Variants in CTSH observed in about 807,000 individuals in gnomAD.
The protein encoded by CTSH is pro-cathepsin H.
In CTSH, 52 loss-of-function variants were observed where a neutral mutation model predicts 56.3. The observed-to-expected ratio is 0.92, with a 90% CI of 0.74 to 1.16. The LOEUF (loss-of-function observed/expected upper bound fraction) is 1.16, where lower values mean the gene tolerates loss of function less well. Ranked by LOEUF, CTSH falls within the 50% of genes most tolerant of loss-of-function variation. The pLI is 0.00. For synonymous variants in CTSH, 174 were observed against 155.7 expected (o/e 1.12, Z -0.88); for missense variants, 406 against 424.5 (o/e 0.96, Z 0.38).
intron 11 of CTSH, among the ~76,000 whole-genome samples, chr15:78,922,473 C>T (rs2054793048): frequency 6.6e-6 from 1 of 152,200 alleles, no homozygotes; most frequent in Non-Finnish European, 1.5e-5. Context: ...TTAGCCCTGG[C>T]CGGGCCCTCA....
chr15:78,933,059 CT>C (rs1180234352), intron 5 of CTSH, among the ~76,000 whole-genome samples: 1 of 152,236 alleles, frequency 6.6e-6, no homozygotes, highest in Non-Finnish European at 1.5e-5. Context: ...CCAGACACCC[CT>C]GACACCCCAG....
At chr15:78,942,370 GC>G (rs1444278826) in intron 1 of CTSH, among the ~76,000 whole-genome samples, 1 of 151,952 alleles carries the variant, frequency 6.6e-6, no homozygotes, top group Admixed American at 6.6e-5. Flanking sequence ...CCACCACCAC[GC>G]CCGGCTAATT....
intron 6 of CTSH, 21 bp from the exon 7 acceptor site, chr15:78,931,527 A>G: frequency 6.2e-7 from 1 of 1,614,226 alleles, no homozygotes; most frequent in Non-Finnish European, 8.5e-7. Flanking sequence ...GACACAACCC[A>G]GTGACCTGCC....
At chr15:78,936,581 C>T (rs747605209) in intron 3 of CTSH, among the ~76,000 whole-genome samples, 15 of 152,080 alleles carry the variant, frequency 9.9e-5, no homozygotes, top group Non-Finnish European at 2.2e-4. Context: ...ATTTAGTCAA[C>T]TACCAATATT....
At chr15:78,927,855 C>T in intron 8 of CTSH, 74 bp from the exon 9 acceptor site, 1 of 1,246,178 alleles carries the variant, frequency 8.0e-7, no homozygotes, top group Non-Finnish European at 1.2e-6. Flanking sequence ...AGTTCAATAA[C>T]ATTTACTAAA....
chr15:78,938,000 T>C (rs1458657480), intron 2 of CTSH, among the ~76,000 whole-genome samples: 1 of 152,242 alleles, frequency 6.6e-6, no homozygotes, highest in Non-Finnish European at 1.5e-5. Flanking sequence ...CTACTAGCTA[T>C]TTGGAAATAC....
At chr15:78,925,718 T>G in intron 9 of CTSH, 5 of 352,804 alleles carry the variant, frequency 1.4e-5, no homozygotes, top group Non-Finnish European at 2.8e-5. Flanking sequence ...TTCACATCCA[T>G]TCCCTGAGGT....
intron 1 of CTSH, among the ~76,000 whole-genome samples, chr15:78,941,422 TA>T (rs35226827): frequency 0.31 from 14,685 of 47,682 alleles, 1,243 homozygotes; most frequent in Middle Eastern, 0.44. Context: ...AGACTCTGTC[TA>T]AAAAAAAAAA....
intron 11 of CTSH, 90 bp from the exon 12 acceptor site, chr15:78,922,295 C>A: frequency 2.0e-6 from 2 of 1,016,066 alleles, no homozygotes; most frequent in Non-Finnish European, 3.0e-6. Flanking sequence ...GAGCTGACTT[C>A]AGGGGTGAGA....
chr15:78,944,833 C>T lies in CTSH; in HGVS notation c.91+58G>A, dbSNP rs555895645. 7 of 1,503,712 alleles carry T rather than the reference C, an allele frequency of 4.7e-6. No individual in the cohort carries two copies. The South Asian group carries it at 5.0e-5, about 11-fold the overall frequency. 93.1% of individuals were successfully genotyped at this position (1,503,712 alleles called of 1,614,324 possible). Reference sequence around the variant, plus strand: ...CCCAGTGCGCCCCTGGCCAAGTTCTCCCAGCGTCCACTCTAGGGCCTGCTA... The same window carrying T: ...CCCAGTGCGCCCCTGGCCAAGTTCTTCCAGCGTCCACTCTAGGGCCTGCTA... On this transcript the variant is annotated intron_variant, in intron 1 of 11. Transcript: ENST00000220166.
At chr15:78,937,862 C>G in intron 2 of CTSH, 1 of 1,214,830 alleles carries the variant, frequency 8.2e-7, no homozygotes, top group Non-Finnish European at 1.1e-6. Context: ...TGATATATAA[C>G]TGATGTACTT....
Position 78,934,971 on chromosome 15 carries a change from G to T in CTSH, c.405+7C>A, listed in dbSNP as rs866741335. 2.5e-6 allele frequency: 4 copies of T among 1,593,972 alleles called. No individual in the cohort carries two copies. In the African/African-American group the frequency reaches 4.0e-5, roughly 16 times the overall value. ...TGCAGGGAGAGGATGGAGATTGCCA[G>T]GCATACCTGATTTTTCACAGGTGAG... On this transcript the variant is annotated splice_region_variant and intron_variant, in intron 5 of 11. Coordinates refer to ENST00000220166, the MANE Select transcript of CTSH (RefSeq NM_004390.5).
intron 5 of CTSH, among the ~76,000 whole-genome samples, chr15:78,934,683 G>A (rs181788800): frequency 1.8e-3 from 271 of 152,336 alleles, no homozygotes; most frequent in African/African-American, 6.4e-3. Context: ...GGAACATAAC[G>A]TTTTGGATGG....
intron 5 of CTSH, among the ~76,000 whole-genome samples, 190 bp from the exon 6 acceptor site, chr15:78,932,648 A>G (rs1255822642): frequency 6.6e-6 from 1 of 150,798 alleles, no homozygotes; most frequent in Non-Finnish European, 1.5e-5. Context: ...ATTCATTCTG[A>G]GGCTCGCAAG....
chr15:78,939,295 A>C, intron 1 of CTSH, 124 bp from the exon 2 acceptor site: 3 of 680,284 alleles, frequency 4.4e-6, no homozygotes, highest in African/African-American at 1.8e-5. Context: ...AACACCAAAA[A>C]TGGTGTTATA....
chr15:78,931,559 T>G (rs1194777422), intron 6 of CTSH, 53 bp from the exon 7 acceptor site: 2 of 1,613,690 alleles, frequency 1.2e-6, no homozygotes, highest in Admixed American at 3.3e-5. Flanking sequence ...CGTCAAGGCT[T>G]TGGCGTGAGG....
At position 78,921,116 on chromosome 15, in the gene CTSH, A is replaced by G. The variant is rs1479937588; in HGVS notation, c.*1014T>C. On this transcript the variant is annotated 3_prime_UTR_variant, in exon 12 of 12. Coordinates refer to ENST00000220166, the MANE Select transcript of CTSH (RefSeq NM_004390.5). ...TAAATAAGCCTTATCATGAACATAT[A>G]TATTTTTCAAATATTCTCAAGCCTT... 1.3e-5 allele frequency: 2 copies of G among 152,194 alleles called. No individual in the cohort carries two copies. Among genetic ancestry groups the G allele is most frequent in the African/African-American group, 4.8e-5 (2 of 41,440 alleles). 9.4% of individuals were successfully genotyped at this position (152,194 alleles called of 1,614,324 possible). A position where few individuals can be genotyped will look rare whatever the true frequency, so the allele number is the denominator to read the frequency against.
chr15:78,930,997 G>C (rs1341265753), intron 7 of CTSH, among the ~76,000 whole-genome samples: 1 of 152,180 alleles, frequency 6.6e-6, no homozygotes, highest in African/African-American at 2.4e-5. Context: ...GTCCAGGCAA[G>C]GTACAGCCCT....
chr15:78,944,770 C>T (rs533533607), intron 1 of CTSH, 121 bp downstream of exon 1: 2 of 1,384,224 alleles, frequency 1.4e-6, no homozygotes, highest in East Asian at 6.0e-5. Flanking sequence ...GAGTTCCTGG[C>T]CTCTCACCGG....
Sources: gnomAD v4.1 joint callset for allele counts (sites outside exome capture counted in the v4.1 genomes callset) on GRCh38, gnomAD v4.1.1 for gene constraint, MANE v1.5 for transcripts, NCBI Gene and HGNC (gene_info 2026-07-23, HGNC 2026-07-21) for gene names.